The following MAN1C1 variants were observed in gnomAD, a reference collection of about 807,000 sequenced individuals.
MAN1C1 encodes the protein mannosyl-oligosaccharide 1,2-alpha-mannosidase IC.
In MAN1C1, 49 loss-of-function variants were observed where a neutral mutation model predicts 71.5. That is an observed-to-expected ratio of 0.69 (90% CI 0.54 to 0.87). MAN1C1 has a LOEUF of 0.87. Among genes scored for constraint, MAN1C1 ranks in the 40% least tolerant of loss-of-function variants. The probability of loss-of-function intolerance (pLI) is 0.00; values close to 1 mark genes in which losing one functional copy is unlikely to be tolerated. For synonymous variants in MAN1C1, 352 were observed against 343.7 expected, an observed-to-expected ratio of 1.02 and a Z score of -0.27; for missense variants, 743 against 835.0, an observed-to-expected ratio of 0.89 and a Z score of 1.36.
At chr1:25,627,364 T>G (rs2045313412) in intron 1 of MAN1C1, among the ~76,000 whole-genome samples, 1 of 152,068 alleles carries the variant, frequency 6.6e-6, no homozygotes, top group Admixed American at 6.6e-5. Context: ...TCACTCCACC[T>G]CCCAGATTCA....
At chr1:25,645,969 C>T (rs1297721822) in intron 1 of MAN1C1, 1 of 152,308 alleles carries the variant, frequency 6.6e-6, no homozygotes, top group Non-Finnish European at 1.5e-5. Context: ...TCTGAGCTTT[C>T]TTCAGTGGTG....
intron 1 of MAN1C1, among the ~76,000 whole-genome samples, chr1:25,678,266 A>G (rs2046098185): frequency 6.6e-6 from 1 of 152,100 alleles, no homozygotes; most frequent in East Asian, 1.9e-4. Context: ...TTTAATACCT[A>G]TTTACTACTT....
At chr1:25,679,148 G>T (rs966988933) in intron 1 of MAN1C1, among the ~76,000 whole-genome samples, 5 of 152,166 alleles carry the variant, frequency 3.3e-5, no homozygotes, top group African/African-American at 1.2e-4. Context: ...AGAAGGGAGT[G>T]ACCCAGAAGT....
At chr1:25,682,168 T>C (rs11247595) in intron 1 of MAN1C1, among the ~76,000 whole-genome samples, 60,055 of 152,046 alleles carry the variant, frequency 0.39, 14,320 homozygotes, top group South Asian at 0.55. Context: ...CTGAGGCTGT[T>C]TTCCCAACTT....
intron 1 of MAN1C1, among the ~76,000 whole-genome samples, chr1:25,636,517 C>T (rs1277146890): frequency 6.6e-6 from 1 of 152,176 alleles, no homozygotes; most frequent in Non-Finnish European, 1.5e-5. Flanking sequence ...AAAAATATGG[C>T]TCTATTTTGC....
At chr1:25,728,556 GA>G (rs1477395889) in intron 2 of MAN1C1, among the ~76,000 whole-genome samples, 1 of 152,176 alleles carries the variant, frequency 6.6e-6, no homozygotes, top group African/African-American at 2.4e-5. Context: ...AAGTCATATT[GA>G]TGGTGGGGAG....
At chr1:25,748,417 A>C (rs2047167272) in intron 3 of MAN1C1, among the ~76,000 whole-genome samples, 1 of 152,168 alleles carries the variant, frequency 6.6e-6, no homozygotes, top group Non-Finnish European at 1.5e-5. Context: ...TGCTGAGGGA[A>C]CCCTCTGGGG....
chr1:25,746,751 G>C lies in MAN1C1; in HGVS notation c.721G>C (p.Ala241Pro). ...GAAGGAGGAGTTCCAGGAGGCCAAG[G>C]CCTGGGTGGGAGAGAGCTTCCACCT... is the stretch of plus-strand genomic sequence containing the variant. The part of the protein sequence containing the change: ...ELKEEFQEAK[A>P]WVGESFHLNV... The change falls in exon 3 of 12, where the codon GCC becomes CCC. Residue 241 changes from alanine (A) to proline (P), a missense_variant. Coordinates refer to ENST00000374332, the MANE Select transcript of MAN1C1 (RefSeq NM_020379.4). This position sits in a 1 kb window ranked among gnomAD's most constrained non-coding sequence, Gnocchi z 4.0. 1 of 1,497,956 alleles carries C rather than the reference G, an allele frequency of 6.7e-7. No individual in the cohort carries two copies. Among genetic ancestry groups the C allele is most frequent in the Non-Finnish European group, 9.0e-7 (1 of 1,109,684 alleles). 92.8% of individuals were successfully genotyped at this position (1,497,956 alleles called of 1,614,324 possible). A position where few individuals can be genotyped will look rare whatever the true frequency, so the allele number is the denominator to read the frequency against.
At chr1:25,685,246 T>C in intron 1 of MAN1C1, among the ~76,000 whole-genome samples, 1 of 152,228 alleles carries the variant, frequency 6.6e-6, no homozygotes, top group East Asian at 1.9e-4. Context: ...TGCAACTGAT[T>C]TCACGCCAAA....
At chr1:25,679,649 C>T (rs1181721859) in intron 1 of MAN1C1, among the ~76,000 whole-genome samples, 1 of 151,254 alleles carries the variant, frequency 6.6e-6, no homozygotes, top group Admixed American at 6.6e-5. Flanking sequence ...ATTCCGCAAA[C>T]GTTAACATTA....
intron 1 of MAN1C1, among the ~76,000 whole-genome samples, chr1:25,626,327 CT>C (rs538607428): frequency 1.5e-3 from 229 of 151,496 alleles, no homozygotes; most frequent in African/African-American, 5.2e-3. Flanking sequence ...ATTGAATGTC[CT>C]TTTCATGTGT....
chr1:25,699,117 A>G (rs2046403965), intron 2 of MAN1C1, among the ~76,000 whole-genome samples: 1 of 151,748 alleles, frequency 6.6e-6, no homozygotes, highest in Admixed American at 6.6e-5. Context: ...GACCAGCCTG[A>G]CCAACATGGA....
rs59710145 is a variant in MAN1C1, at chr1:25,656,095, C to CTTTTTTTTTTTTT, written c.541-30335_541-30323dup. On this transcript the variant is annotated intron_variant, in intron 1 of 11. Transcript: ENST00000374332. ...TATGTCTTAGGTTGGGATTATCAGT[C>CTTTTTTTTTTTTT]TTTTTTTTTTTTTTTTTTTTTTGAG... is the stretch of plus-strand genomic sequence containing the variant. Among the ~76,000 whole-genome samples, 98 of 74,978 alleles carry CTTTTTTTTTTTTT rather than the reference C, an allele frequency of 1.3e-3. 19 individuals are homozygous for CTTTTTTTTTTTTT. Among genetic ancestry groups the CTTTTTTTTTTTTT allele is most frequent in the African/African-American group, 4.0e-3 (49 of 12,208 alleles). The allele number at this position is 74,978 out of a possible 152,430, so 49.2% of individuals were successfully genotyped here.
chr1:25,641,459 G>C (rs1010412934), intron 1 of MAN1C1, among the ~76,000 whole-genome samples: 1 of 152,236 alleles, frequency 6.6e-6, no homozygotes, highest in Admixed American at 6.5e-5. Context: ...ATGGAAGAGC[G>C]TAGAAACTGT....
At chr1:25,629,977 C>T (rs1027968927) in intron 1 of MAN1C1, among the ~76,000 whole-genome samples, 7 of 151,994 alleles carry the variant, frequency 4.6e-5, no homozygotes, top group African/African-American at 1.7e-4. Flanking sequence ...AGGCCAATGT[C>T]CAGAAGAGTT....
intron 2 of MAN1C1, among the ~76,000 whole-genome samples, chr1:25,718,078 C>T (rs964246989): frequency 1.3e-5 from 2 of 152,020 alleles, no homozygotes; most frequent in African/African-American, 2.4e-5. Flanking sequence ...ATTGGTTGTT[C>T]GGGGTGTAAC....
In MAN1C1 at chr1:25,711,971, G is replaced by T. The variant is rs192701150; in HGVS notation, c.637+25435G>T. ...GTGTGTCAGGGAGCGCCATCCCTCTGCCCAGGCCCTGCTCATCCTGATGCA... is the reference window on the plus strand; with the variant it reads ...GTGTGTCAGGGAGCGCCATCCCTCTTCCCAGGCCCTGCTCATCCTGATGCA... On this transcript the variant is annotated intron_variant, in intron 2 of 11. Transcript: ENST00000374332. This position sits in a 1 kb window ranked among gnomAD's most constrained non-coding sequence, Gnocchi z 4.3. Among the ~76,000 whole-genome samples, 10 of 151,580 alleles carry T rather than the reference G, an allele frequency of 6.6e-5. No homozygotes were observed. The highest frequency in any genetic ancestry group is 4.2e-4 in the South Asian group (2 of 4,780).
chr1:25,634,273 G>A lies in MAN1C1; in HGVS notation c.540+15936G>A, dbSNP rs1422306952. ...ACTTCCAGTTCAATGTTAAAAAGAAGTAGTGAGAACTGACATCTTTGCCTT... is the reference window on the plus strand; with the variant it reads ...ACTTCCAGTTCAATGTTAAAAAGAAATAGTGAGAACTGACATCTTTGCCTT... On this transcript the variant is annotated intron_variant, in intron 1 of 11. Transcript: ENST00000374332. The surrounding 1 kb of genome is among the most constrained non-coding windows in gnomAD (Gnocchi z 4.6). 1.3e-5 allele frequency among the ~76,000 whole-genome samples: 2 copies of A among 152,182 alleles called. No homozygotes were observed. Among genetic ancestry groups the A allele is most frequent in the Non-Finnish European group, 2.9e-5 (2 of 68,028 alleles).
chr1:25,618,489 C>A, intron 1 of MAN1C1, 152 bp downstream of exon 1: 1 of 714,802 alleles, frequency 1.4e-6, no homozygotes, highest in Non-Finnish European at 2.2e-6. Flanking sequence ...CTTCCCCTTT[C>A]CTCCCAAATG....
Sources: gnomAD v4.1 joint callset for allele counts (sites outside exome capture counted in the v4.1 genomes callset) on GRCh38, gnomAD v4.1.1 for gene constraint, Gnocchi (gnomAD v3.1) non-coding constraint, MANE v1.5 for transcripts, NCBI Gene and HGNC (gene_info 2026-07-23, HGNC 2026-07-21) for gene names.